ZNF761: variants seen among roughly 807,000 people sequenced by gnomAD.
The protein encoded by ZNF761 is zinc finger protein 761.
A neutral mutation model predicts 59.9 loss-of-function variants in ZNF761; 43 were observed. The ratio of observed to expected loss-of-function variants is 0.72; its 90% CI spans 0.56 to 0.92. The LOEUF is 0.92. Among genes scored for constraint, ZNF761 ranks in the 40% least tolerant of loss-of-function variants. The probability of loss-of-function intolerance (pLI) is 0.00; values close to 1 mark genes in which losing one functional copy is unlikely to be tolerated. For synonymous variants in ZNF761, 294 were observed against 304.8 expected (o/e 0.96, Z 0.37); for missense variants, 850 against 906.1 (o/e 0.94, Z 0.79).
intron 3 of ZNF761, 29 bp downstream of exon 3, chr19:53,447,312 T>G: frequency 6.2e-7 from 1 of 1,611,794 alleles, no homozygotes; most frequent in Non-Finnish European, 8.5e-7. Context: ...TGGATTGTTC[T>G]GTCTCCTTCC....
At position 53,452,015 on chromosome 19, in the gene ZNF761, C is replaced by T. The variant is rs568383890; in HGVS notation, c.142+2377C>T. Among the ~76,000 whole-genome samples, 86 of 152,274 alleles carry T rather than the reference C, an allele frequency of 5.6e-4. 1 individual carries two copies. The highest frequency in any genetic ancestry group is 6.8e-3 in the Middle Eastern group (2 of 294). ...AGCCCTCGGTGATGTTGATGAGATG[C>T]TCCTGTTCCTGTCTCAGTCATTTCA... On this transcript the variant is annotated intron_variant, in intron 4 of 4. Coordinates refer to ENST00000684525, the MANE Select transcript of ZNF761 (RefSeq NM_001289951.2).
chr19:53,450,716 T>A (rs896855436), intron 4 of ZNF761, among the ~76,000 whole-genome samples: 2 of 151,914 alleles, frequency 1.3e-5, no homozygotes, highest in African/African-American at 4.8e-5. Flanking sequence ...CAAATGTTTC[T>A]TGTGCCCCAG....
At chr19:53,445,106 G>A (rs894730849) in intron 1 of ZNF761, 5 of 151,038 alleles carry the variant, frequency 3.3e-5, no homozygotes, top group East Asian at 2.0e-4. Flanking sequence ...TCAGCCTCTC[G>A]AGTAGCTGAG....
At chr19:53,450,992 C>CAAATAAAAAA (rs2086217069) in intron 4 of ZNF761, among the ~76,000 whole-genome samples, 1 of 121,974 alleles carries the variant, frequency 8.2e-6, no homozygotes. Flanking sequence ...GACTCTGTCT[C>CAAATAAAAAA]AAAAAAAAAA....
intron 4 of ZNF761, among the ~76,000 whole-genome samples, chr19:53,453,555 T>A (rs1418711459): frequency 2.6e-5 from 4 of 152,198 alleles, no homozygotes; most frequent in Admixed American, 2.0e-4. Context: ...TGGTATGCAA[T>A]ATAACTGACA....
intron 4 of ZNF761, among the ~76,000 whole-genome samples, chr19:53,450,652 T>C: frequency 6.6e-6 from 1 of 152,146 alleles, no homozygotes; most frequent in East Asian, 1.9e-4. Flanking sequence ...TCGCCAAGGC[T>C]ACAGTTCAGT....
At chr19:53,433,059 G>A (rs57816362) in intron 1 of ZNF761, among the ~76,000 whole-genome samples, 8,817 of 44,726 alleles carry the variant, frequency 0.2, 239 homozygotes, top group African/African-American at 0.32. Context: ...GGTATAACAG[G>A]GAAGAGAGAA....
At chr19:53,435,733 T>C (rs2086034849) in intron 1 of ZNF761, among the ~76,000 whole-genome samples, 1 of 152,062 alleles carries the variant, frequency 6.6e-6, no homozygotes, top group Non-Finnish European at 1.5e-5. Context: ...AGTTGCTTCT[T>C]CTACCATGGT....
chr19:53,445,722 G>C (rs7253255), intron 1 of ZNF761, among the ~76,000 whole-genome samples: 70,484 of 151,904 alleles, frequency 0.46, 16,841 homozygotes, highest in South Asian at 0.67. Flanking sequence ...TGAAAGAATG[G>C]AAGAAATAGA....
intron 1 of ZNF761, among the ~76,000 whole-genome samples, chr19:53,433,001 C>T (rs543394486): frequency 1.3e-3 from 195 of 148,060 alleles, no homozygotes; most frequent in Middle Eastern, 0.01. Flanking sequence ...AGAAGCACAG[C>T]AGGGAGGACA....
chr19:53,448,358 A>G (rs2086183036), intron 3 of ZNF761, among the ~76,000 whole-genome samples: 1 of 152,094 alleles, frequency 6.6e-6, no homozygotes, highest in African/African-American at 2.4e-5. Flanking sequence ...TGATGTATCC[A>G]TTTGTTTTGT....
In ZNF761 at chr19:53,456,329, T is replaced by C. The variant is rs1392057843; in HGVS notation, c.1822T>C (p.Cys608Arg). The C allele has an allele frequency of 6.2e-7, 1 of 1,611,202 alleles. No homozygotes were observed. The highest frequency in any genetic ancestry group is 2.2e-5 in the East Asian group (1 of 44,774). ...KIHTEENPYK[C>R]NECGKTFSRT... Reference sequence around the variant, plus strand: ...TCATACTGAAGAGAATCCTTACAAGTGTAATGAGTGTGGCAAGACCTTCAG... The same window carrying C: ...TCATACTGAAGAGAATCCTTACAAGCGTAATGAGTGTGGCAAGACCTTCAG... Residue 608 changes from cysteine to arginine, a missense_variant, in exon 5 of 5, where the codon TGT (cysteine) becomes CGT (arginine). Transcript: ENST00000684525.
chr19:53,433,331 C>CTCGT (rs2085997205), intron 1 of ZNF761, among the ~76,000 whole-genome samples: 1 of 151,496 alleles, frequency 6.6e-6, no homozygotes, highest in African/African-American at 2.4e-5. Context: ...AGCTGGTGGC[C>CTCGT]TCGTAGCTGA....
At chr19:53,444,780 T>G (rs1449192003) in intron 1 of ZNF761, 3 of 152,226 alleles carry the variant, frequency 2.0e-5, no homozygotes, top group African/African-American at 7.2e-5. Context: ...TGCCTTGGGC[T>G]TAGGTTGTAA....
At chr19:53,450,852 C>T (rs866365940) in intron 4 of ZNF761, among the ~76,000 whole-genome samples, 5 of 152,028 alleles carry the variant, frequency 3.3e-5, no homozygotes, top group South Asian at 2.1e-4. Context: ...AAAAATTAGC[C>T]GGACACTGTG....
At chr19:53,450,992 C>CA (rs34019664) in intron 4 of ZNF761, among the ~76,000 whole-genome samples, 36,907 of 121,736 alleles carry the variant, frequency 0.3, 5,017 homozygotes, top group Middle Eastern at 0.36. Context: ...GACTCTGTCT[C>CA]AAAAAAAAAA....
chr19:53,454,795 C>G lies in ZNF761; in HGVS notation c.288C>G (p.Asp96Glu), dbSNP rs373360886. 1.7e-5 allele frequency: 27 copies of G among 1,613,934 alleles called. No homozygotes were observed. Among genetic ancestry groups the G allele is most frequent in the African/African-American group, 2.7e-5 (2 of 74,892 alleles). ...CYQDVDKDIHDYEFQWQEDER... is the reference protein window; with the variant it reads ...CYQDVDKDIHEYEFQWQEDER... ...AGGATGTTGATAAAGATATTCATGACTATGAATTTCAATGGCAAGAAGATG... is the reference window on the plus strand; with the variant it reads ...AGGATGTTGATAAAGATATTCATGAGTATGAATTTCAATGGCAAGAAGATG... Residue 96 changes from aspartate to glutamate, a missense_variant, in exon 5 of 5, where the codon GAC (aspartate) becomes GAG (glutamate). By Grantham distance (45) the Asp-to-Glu change is conservative. Coordinates refer to ENST00000684525, the MANE Select transcript of ZNF761 (RefSeq NM_001289951.2).
chr19:53,440,717 C>T (rs1404582631), intron 1 of ZNF761, among the ~76,000 whole-genome samples: 7 of 151,930 alleles, frequency 4.6e-5, no homozygotes, highest in African/African-American at 7.3e-5. Flanking sequence ...CTGGCTCTAT[C>T]GCCCAGGATG....
rs747834973 is a variant in ZNF761, at chr19:53,455,898, A to G, written c.1391A>G (p.Gln464Arg). 2 of 1,613,872 alleles carry G rather than the reference A, an allele frequency of 1.2e-6. No homozygotes were observed. The highest frequency in any genetic ancestry group is 1.7e-6 in the Non-Finnish European group (2 of 1,179,924). Residue 464 changes from glutamine to arginine, a missense_variant, in exon 5 of 5, where the codon CAA becomes CGA. Physicochemically the swap from Gln to Arg is conservative, Grantham distance 43. Coordinates refer to ENST00000684525, the MANE Select transcript of ZNF761 (RefSeq NM_001289951.2). ...TCHRRRHTGEQPYKCEECDKA... is the reference protein window; with the variant it reads ...TCHRRRHTGERPYKCEECDKA... ...CATCGTAGACGTCATACTGGAGAGC[A>G]ACCTTACAAATGTGAAGAATGTGAC...
Sources: gnomAD v4.1 joint callset for allele counts (sites outside exome capture counted in the v4.1 genomes callset) on GRCh38, gnomAD v4.1.1 for gene constraint, MANE v1.5 for transcripts, NCBI Gene and HGNC (gene_info 2026-07-23, HGNC 2026-07-21) for gene names.